Variants in NR2F2 observed in about 807,000 individuals in gnomAD.
NR2F2 encodes the protein nuclear receptor subfamily 2 group F member 2.
Under a neutral mutation model 34.8 loss-of-function variants are expected in NR2F2, and 2 were observed. The observed-to-expected ratio is 0.06, with a 90% CI of 0.02 to 0.18. NR2F2 has a LOEUF of 0.18. NR2F2 is among the 10% of genes least tolerant of loss of function. The pLI is 1.00. For synonymous variants in NR2F2, 274 were observed against 251.8 expected (o/e 1.09, Z -0.84); for missense variants, 300 against 580.1 (o/e 0.52, Z 4.96).
chr15:96,328,763 G>T (rs1899053720), upstream of NR2F2, among the ~76,000 whole-genome samples: 1 of 137,324 alleles, frequency 7.3e-6, no homozygotes, highest in Admixed American at 7.3e-5. Flanking sequence ...GGTTTGCTGG[G>T]CTTTTTTTTT....
upstream of NR2F2, among the ~76,000 whole-genome samples, chr15:96,328,876 AAAG>A (rs979881666): frequency 1.6e-4 from 25 of 152,158 alleles, no homozygotes; most frequent in East Asian, 3.9e-3. Context: ...AATGAAGCTT[AAAG>A]AAGATTTTTC....
At chr15:96,336,442 TGGA>T (rs1377240814) in intron 2 of NR2F2, among the ~76,000 whole-genome samples, 1 of 152,070 alleles carries the variant, frequency 6.6e-6, no homozygotes. Context: ...GAGGTGGTGG[TGGA>T]GATTTTCGAA....
At chr15:96,326,517 G>C (rs933558452), upstream of NR2F2, among the ~76,000 whole-genome samples, 2 of 151,594 alleles carry the variant, frequency 1.3e-5, no homozygotes, top group African/African-American at 4.9e-5. This position sits in a 1 kb window ranked among gnomAD's most constrained non-coding sequence, Gnocchi z 5.5. Context: ...GGGGGGATCA[G>C]AGTCAATTCA....
chr15:96,333,656 C>G, intron 1 of NR2F2: 10 of 1,082,810 alleles, frequency 9.2e-6, no homozygotes, highest in Non-Finnish European at 1.1e-5. Flanking sequence ...GACCCTCGTG[C>G]CTTTTGCAAA....
chr15:96,338,897 G>GT lies in NR2F2; in HGVS notation c.*1275_*1276insT, dbSNP rs1899414630. 1.5e-5 allele frequency: 2 copies of GT among 131,316 alleles called. No homozygotes were observed. Among genetic ancestry groups the GT allele is most frequent in the African/African-American group, 6.7e-5 (2 of 29,696 alleles). The allele number at this position is 131,316 out of a possible 1,614,324, so 8.1% of individuals were successfully genotyped here. Reference sequence around the variant, plus strand: ...TTAGCTGGCCGGGCGGGGGGTGGTGGGGGGGGGCATTTGTTTACTCCCCTC... The same window carrying GT: ...TTAGCTGGCCGGGCGGGGGGTGGTGGTGGGGGGGCATTTGTTTACTCCCCTC... On this transcript the variant is annotated 3_prime_UTR_variant, in exon 3 of 3. Coordinates refer to ENST00000394166, the MANE Select transcript of NR2F2 (RefSeq NM_021005.4).
Position 96,332,254 on chromosome 15 carries a change from G to C in NR2F2, c.149G>C (p.Ser50Thr). ...ACGCCCGGCCAAGGGGGCCCAGCCA[G>C]CACGCCAGCCCAGACGGCGGCCGGT... ...PQTPGQGGPASTPAQTAAGGQ... is the reference protein window; with the variant it reads ...PQTPGQGGPATTPAQTAAGGQ... The change falls in exon 1 of 3, where the codon AGC (serine) becomes ACC (threonine). Residue 50 changes from serine to threonine, a missense_variant. Ser to Thr is a moderately conservative substitution (Grantham distance 58, BLOSUM62 1). Transcript: ENST00000394166. 1.9e-6 allele frequency: 3 copies of C among 1,543,134 alleles called. No homozygotes were observed. The highest frequency in any genetic ancestry group is 1.7e-6 in the Non-Finnish European group (2 of 1,145,514).
upstream of NR2F2, chr15:96,327,135 G>C (rs954796951): frequency 7.0e-6 from 1 of 142,284 alleles, no homozygotes; most frequent in African/African-American, 2.6e-5. Context: ...CAGAGAGAAA[G>C]AAAAAGAGAG....
rs754051151 is a variant in NR2F2, at chr15:96,334,175, A to T, written c.542A>T (p.Tyr181Phe). Residue 181 changes from tyrosine (Y) to phenylalanine (F), a missense_variant, in exon 2 of 3, where the codon TAT (tyrosine) becomes TTT (phenylalanine). Physicochemically the swap from Tyr to Phe is conservative, Grantham distance 22. Coordinates refer to ENST00000394166, the MANE Select transcript of NR2F2 (RefSeq NM_021005.4). ...AACTGCCACTCGTACCTGTCCGGAT[A>T]TATTTCCCTGCTGTTGCGCGCGGAG... ...PLNCHSYLSG[Y>F]ISLLLRAEPY... The T allele has an allele frequency of 1.2e-6, 2 of 1,614,158 alleles. No homozygotes were observed. The highest frequency in any genetic ancestry group is 3.3e-5 in the Admixed American group (2 of 60,036).
rs1899438067 is a variant in NR2F2 at position 96,339,537 on chromosome 15, C to A, written c.*1915C>A. ...TCCATTGGAGTTATGTACATAAAAA[C>A]ACATCGACATTTTGACATTTCAGAT... On this transcript the variant is annotated 3_prime_UTR_variant, in exon 3 of 3. Transcript: ENST00000394166. The A allele has an allele frequency of 6.6e-6, 1 of 151,976 alleles. No homozygotes were observed. The highest frequency in any genetic ancestry group is 2.4e-5 in the African/African-American group (1 of 41,372). The allele number at this position is 151,976 out of a possible 1,614,324, so 9.4% of individuals were successfully genotyped here.
chr15:96,331,361 G>A lies in NR2F2; in HGVS notation c.-745G>A, dbSNP rs2141165626. On this transcript the variant is annotated 5_prime_UTR_variant, in exon 1 of 3. Transcript: ENST00000394166. ...GACCACTTTCATGCTGATTCCCCCGGACCCGGGCAGCGCTCCGGCCACTCC... is the reference window on the plus strand; with the variant it reads ...GACCACTTTCATGCTGATTCCCCCGAACCCGGGCAGCGCTCCGGCCACTCC... 2.5e-6 allele frequency: 3 copies of A among 1,217,642 alleles called. 1 individual carries two copies. 75.4% of individuals were successfully genotyped at this position (1,217,642 alleles called of 1,614,324 possible).
In NR2F2 at chr15:96,331,932, T is replaced by A. The variant is rs901353840; in HGVS notation, c.-174T>A. On this transcript the variant is annotated 5_prime_UTR_variant, in exon 1 of 3. Transcript: ENST00000394166. ...AAAGCAAAAACAAAAAAGGAAAAACTAACCAACCTCAACCAACCAGCCCCC... is the reference window on the plus strand; with the variant it reads ...AAAGCAAAAACAAAAAAGGAAAAACAAACCAACCTCAACCAACCAGCCCCC... 1.8e-5 allele frequency: 22 copies of A among 1,205,598 alleles called. No homozygotes were observed. In the African/African-American group the frequency reaches 3.3e-4, roughly 18 times the overall value. 74.7% of individuals were successfully genotyped at this position (1,205,598 alleles called of 1,614,324 possible).
Position 96,337,911 on chromosome 15 carries a change from G to A in NR2F2, c.*289G>A, listed in dbSNP as rs1596433163. 3.8e-6 allele frequency: 1 copy of A among 260,512 alleles called. No individual in the cohort carries two copies. The highest frequency in any genetic ancestry group is 2.2e-5 in the African/African-American group (1 of 44,640). 16.1% of individuals were successfully genotyped at this position (260,512 alleles called of 1,614,324 possible). A position where few individuals can be genotyped will look rare whatever the true frequency, so the allele number is the denominator to read the frequency against. Reference sequence around the variant, plus strand: ...GGAAATTAGTCTTTTTCTTTTTTTGGTAAATTTTTGAAAAATATTGCTAAA... The same window carrying A: ...GGAAATTAGTCTTTTTCTTTTTTTGATAAATTTTTGAAAAATATTGCTAAA... On this transcript the variant is annotated 3_prime_UTR_variant, in exon 3 of 3. Transcript: ENST00000394166.
upstream of NR2F2, among the ~76,000 whole-genome samples, chr15:96,329,090 A>C (rs1035424533): frequency 6.6e-6 from 1 of 151,890 alleles, no homozygotes; most frequent in East Asian, 1.9e-4. Flanking sequence ...TTTACTCTTC[A>C]TATGTGTTCA....
Position 96,337,368 on chromosome 15 carries a change from G to A in NR2F2, c.991G>A (p.Val331Ile), listed in dbSNP as rs1408587832. 6.2e-7 allele frequency: 1 copy of A among 1,613,774 alleles called. No individual in the cohort carries two copies. The highest frequency in any genetic ancestry group is 1.3e-5 in the African/African-American group (1 of 74,818). Residue 331 changes from valine to isoleucine, a missense_variant, in exon 3 of 3, where the codon GTA becomes ATA. Val to Ile is a conservative substitution (Grantham distance 29). Transcript: ENST00000394166. ...FTSDACGLSDVAHVESLQEKS... is the reference protein window; with the variant it reads ...FTSDACGLSDIAHVESLQEKS... ...TCCAGATGCCTGTGGTCTCTCTGAT[G>A]TAGCCCATGTGGAAAGCTTGCAGGA...
At position 96,334,422 on chromosome 15, in the gene NR2F2, C is replaced by G; in HGVS notation, c.789C>G (p.Pro263=). 1 of 1,613,976 alleles carries G rather than the reference C, an allele frequency of 6.2e-7. No homozygotes were observed. Among genetic ancestry groups the G allele is most frequent in the Non-Finnish European group, 8.5e-7 (1 of 1,179,976 alleles). The part of the protein sequence containing the change: ...FVLNAAQCSM[P]LHVAPLLAAA... ...TGAATGCGGCGCAGTGCTCCATGCC[C>G]CTCCACGTCGCCCCGCTCCTGGCCG... The change falls in exon 2 of 3, where the codon CCC becomes CCG. Residue 263 remains proline (P), a synonymous_variant. Transcript: ENST00000394166.
chr15:96,332,186 G>T lies in NR2F2; in HGVS notation c.81G>T (p.Pro27=). The T allele has an allele frequency of 1.5e-6, 2 of 1,327,824 alleles. No individual in the cohort carries two copies. The allele number at this position is 1,327,824 out of a possible 1,614,324, so 82.3% of individuals were successfully genotyped here. Residue 27 remains proline, a synonymous_variant, in exon 1 of 3, where the codon CCG becomes CCT. Coordinates refer to ENST00000394166, the MANE Select transcript of NR2F2 (RefSeq NM_021005.4). ...GSQGSQASQA[P]PVPGPPPGAP... is the part of the protein sequence containing the mutation. ...AGGGCAGCCAGGCCTCGCAGGCGCC[G>T]CCCGTGCCCGGCCCGCCGCCCGGCG...
At chr15:96,334,683 G>C in intron 2 of NR2F2, 80 bp downstream of exon 2, 1 of 1,472,564 alleles carries the variant, frequency 6.8e-7, no homozygotes, top group Non-Finnish European at 9.1e-7. Context: ...AGTCCCCAGG[G>C]CAAACCCAGT....
chr15:96,329,984 T>A (rs1285920594), upstream of NR2F2, among the ~76,000 whole-genome samples: 1 of 151,954 alleles, frequency 6.6e-6, no homozygotes, highest in Non-Finnish European at 1.5e-5. Flanking sequence ...AGAATATATG[T>A]CATATATATA....
intron 1 of NR2F2, 24 bp from the exon 2 acceptor site, chr15:96,334,052 G>T: frequency 6.2e-7 from 1 of 1,602,872 alleles, no homozygotes. Context: ...ATTAACTGTG[G>T]AGTGTCTCCT....
Sources: gnomAD v4.1 joint callset for allele counts (sites outside exome capture counted in the v4.1 genomes callset) on GRCh38, gnomAD v4.1.1 for gene constraint, Gnocchi (gnomAD v3.1) non-coding constraint, MANE v1.5 for transcripts, NCBI Gene and HGNC (gene_info 2026-07-23, HGNC 2026-07-21) for gene names.